PLIN1: variants seen among roughly 807,000 people sequenced by gnomAD.
The protein encoded by PLIN1 is perilipin-1.
A neutral mutation model predicts 45.8 loss-of-function variants in PLIN1; 37 were observed. The ratio of observed to expected loss-of-function variants is 0.81; its 90% CI spans 0.62 to 1.06. The LOEUF is 1.06. PLIN1 is among the 50% of genes least tolerant of loss of function. PLIN1 has a pLI of 0.00. For synonymous variants in PLIN1, 340 were observed against 309.2 expected (o/e 1.10, Z -1.05); for missense variants, 776 against 716.5 (o/e 1.08, Z -0.95).
At chr15:89,667,294 C>G in intron 7 of PLIN1, 113 bp from the exon 8 acceptor site, 1 of 1,417,488 alleles carries the variant, frequency 7.1e-7, no homozygotes, top group Non-Finnish European at 9.7e-7. Context: ...TACAAAACTT[C>G]AGGCCTATTC....
In PLIN1 at chr15:89,677,519, C is replaced by G. The variant is rs369587741; in HGVS notation, c.-14-16G>C. The G allele has an allele frequency of 6.2e-6, 10 of 1,611,928 alleles. No individual in the cohort carries two copies. The highest frequency in any genetic ancestry group is 8.5e-6 in the Non-Finnish European group (10 of 1,178,178). On this transcript the variant is annotated splice_polypyrimidine_tract_variant and intron_variant, in intron 1 of 8. Coordinates refer to ENST00000300055, the MANE Select transcript of PLIN1 (RefSeq NM_002666.5). ...GCTCCTCAAGCTGCAAAACAGAGTC[C>G]CAGGTCCCATCAGAAGCCCTCAGGC...
Position 89,666,942 on chromosome 15 carries a change from G to A in PLIN1, c.1203C>T (p.Tyr401=), listed in dbSNP as rs151265993. The A allele has an allele frequency of 5.0e-5, 80 of 1,613,888 alleles. No homozygotes were observed. The highest frequency in any genetic ancestry group is 3.3e-4 in the Middle Eastern group (2 of 6,078). Reference sequence around the variant, plus strand: ...TGCCAGGGGTGGTACTCACCGGCACGTAATGCACCACTGTGTCCACCACGT... The same window carrying A: ...TGCCAGGGGTGGTACTCACCGGCACATAATGCACCACTGTGTCCACCACGT... ...TDNVVDTVVH[Y]VPLPRLSLME... The change falls in exon 8 of 9, where the codon TAC becomes TAT. Residue 401 remains tyrosine (Y), a synonymous_variant. Transcript: ENST00000300055.
chr15:89,666,073 G>T, intron 8 of PLIN1, 131 bp from the exon 9 acceptor site: 1 of 609,068 alleles, frequency 1.6e-6, no homozygotes, highest in Non-Finnish European at 2.5e-6. Flanking sequence ...GCTGGGGAGC[G>T]GTTCAGTAGT....
rs1186066623 is a variant in PLIN1 at position 89,673,269 on chromosome 15, C to A, written c.191G>T (p.Ser64Ile). 6.3e-7 allele frequency: 1 copy of A among 1,581,092 alleles called. No homozygotes were observed. The highest frequency in any genetic ancestry group is 1.8e-5 in the Admixed American group (1 of 56,392). Reference protein sequence around the residue: ...VCNAYEKGVQSASSLAAWSME... With the variant: ...VCNAYEKGVQIASSLAAWSME... ...GCTCCAGGCAGCCAAGCTACTGGCG[C>A]TCTGCACGCCCTTCTCATAGGCATT... The change falls in exon 3 of 9, where the codon AGC (serine) becomes ATC (isoleucine). Residue 64 changes from serine (S) to isoleucine (I), a missense_variant. Ser to Ile is a moderately radical substitution (Grantham distance 142, BLOSUM62 -2). Coordinates refer to ENST00000300055, the MANE Select transcript of PLIN1 (RefSeq NM_002666.5).
Position 89,665,829 on chromosome 15 carries a change from G to C in PLIN1, c.1323C>G (p.Ala441=), listed in dbSNP as rs767087068. 11 of 1,417,974 alleles carry C rather than the reference G, an allele frequency of 7.8e-6. No homozygotes were observed. The highest frequency in any genetic ancestry group is 9.2e-6 in the Non-Finnish European group (10 of 1,084,172). The allele number at this position is 1,417,974 out of a possible 1,614,324, so 87.8% of individuals were successfully genotyped here. A position where few individuals can be genotyped will look rare whatever the true frequency, so the allele number is the denominator to read the frequency against. Residue 441 remains alanine, a synonymous_variant, in exon 9 of 9, where the codon GCC becomes GCG. Transcript: ENST00000300055. ...AERRASGAPS[A]GPEPAPRLAQ... is the part of the protein sequence containing the mutation. ...CGAGACGCGGGGCGGGCTCCGGGCC[G>C]GCGGACGGCGCCCCAGACGCTCTGC... is the stretch of plus-strand genomic sequence containing the variant.
In PLIN1 at chr15:89,665,949, G is replaced by A. The variant is rs2141524004; in HGVS notation, c.1210-7C>T. 1.3e-6 allele frequency: 2 copies of A among 1,490,570 alleles called. No homozygotes were observed. Among genetic ancestry groups the A allele is most frequent in the African/African-American group, 1.4e-5 (1 of 70,138 alleles). 92.3% of individuals were successfully genotyped at this position (1,490,570 alleles called of 1,614,324 possible). On this transcript the variant is annotated splice_region_variant and splice_polypyrimidine_tract_variant and intron_variant, in intron 8 of 8. Coordinates refer to ENST00000300055, the MANE Select transcript of PLIN1 (RefSeq NM_002666.5). Reference sequence around the variant, plus strand: ...TCAGCGACAGCCTGGGGAGCTGAGGGCCCGGCAGCCGCCTTAGAGTCCTGG... The same window carrying A: ...TCAGCGACAGCCTGGGGAGCTGAGGACCCGGCAGCCGCCTTAGAGTCCTGG...
At chr15:89,667,506 TG>T in intron 7 of PLIN1, 95 bp downstream of exon 7, 1 of 1,571,912 alleles carries the variant, frequency 6.4e-7, no homozygotes, top group Non-Finnish European at 8.8e-7. Context: ...GCCGTGCCCC[TG>T]CATCTGGGGC....
At chr15:89,678,013 C>T (rs948647283) in intron 1 of PLIN1, 3 of 154,896 alleles carry the variant, frequency 1.9e-5, no homozygotes, top group Non-Finnish European at 4.3e-5. Flanking sequence ...CCTGCCTAGA[C>T]CTCCCAAAGT....
At chr15:89,667,361 T>C (rs1964365060) in intron 7 of PLIN1, among the ~76,000 whole-genome samples, 180 bp from the exon 8 acceptor site, 1 of 152,250 alleles carries the variant, frequency 6.6e-6, no homozygotes, top group African/African-American at 2.4e-5. Context: ...CCTCTGTTTC[T>C]TCTCCTGCAA....
chr15:89,669,581 A>T lies in PLIN1; in HGVS notation c.690T>A (p.Ser230=). 1.2e-6 allele frequency: 2 copies of T among 1,613,966 alleles called. No individual in the cohort carries two copies. The highest frequency in any genetic ancestry group is 1.7e-5 in the Admixed American group (1 of 60,020). Residue 230 remains serine, a synonymous_variant, in exon 6 of 9, where the codon TCT becomes TCA. Transcript: ENST00000300055. ...SRVGALTNTL[S]RYTVQTMARA... ...GGGCCATGGTCTGCACGGTGTATCG[A>T]GAGAGGGTGTTGGTCAGAGCCCCAA... is the stretch of plus-strand genomic sequence containing the variant.
intron 6 of PLIN1, 23 bp downstream of exon 6, chr15:89,669,477 C>A: frequency 6.2e-7 from 1 of 1,604,850 alleles, no homozygotes. Context: ...CCGGGTCAGT[C>A]AGAGCTCACG....
chr15:89,669,737 C>A, intron 5 of PLIN1, 65 bp from the exon 6 acceptor site: 2 of 1,455,680 alleles, frequency 1.4e-6, no homozygotes, highest in South Asian at 2.3e-5. Context: ...AGATCTGGGT[C>A]ATGTCTAGGA....
At chr15:89,675,959 T>C (rs1366323266) in intron 2 of PLIN1, among the ~76,000 whole-genome samples, 2 of 152,098 alleles carry the variant, frequency 1.3e-5, no homozygotes, top group African/African-American at 2.4e-5. Flanking sequence ...GAATTCATGG[T>C]CTTCGGGGCT....
Position 89,664,876 on chromosome 15 carries a change from C to G in PLIN1, c.*707G>C. On this transcript the variant is annotated 3_prime_UTR_variant, in exon 9 of 9. Transcript: ENST00000300055. ...CATCACCATTTTGGTTCCCCAGCATCAAAAGAGTGACTATGCAGGTGAAGG... is the reference window on the plus strand; with the variant it reads ...CATCACCATTTTGGTTCCCCAGCATGAAAAGAGTGACTATGCAGGTGAAGG... The G allele has an allele frequency of 2.2e-6, 1 of 455,988 alleles. No individual in the cohort carries two copies. Among genetic ancestry groups the G allele is most frequent in the Non-Finnish European group, 4.4e-6 (1 of 226,794 alleles). The allele number at this position is 455,988 out of a possible 1,614,324, so 28.2% of individuals were successfully genotyped here.
intron 8 of PLIN1, among the ~76,000 whole-genome samples, chr15:89,666,249 C>G (rs1964338486): frequency 6.6e-6 from 1 of 152,188 alleles, no homozygotes; most frequent in African/African-American, 2.4e-5. Flanking sequence ...TCCTTGCAGC[C>G]CACACAGTGA....
chr15:89,667,215 G>C lies in PLIN1; in HGVS notation c.964-34C>G, dbSNP rs770167085. The C allele has an allele frequency of 3.1e-6, 5 of 1,611,196 alleles. No homozygotes were observed. The South Asian group carries it at 3.3e-5, about 11-fold the overall frequency. ...CAAAGCAGGGTCAGTGCCTCCTGTG[G>C]TAACTCCCCTGACCCTTCCCTCCCC... On this transcript the variant is annotated intron_variant, in intron 7 of 8. Coordinates refer to ENST00000300055, the MANE Select transcript of PLIN1 (RefSeq NM_002666.5).
At chr15:89,675,378 G>A (rs1269031529) in intron 2 of PLIN1, among the ~76,000 whole-genome samples, 2 of 150,116 alleles carry the variant, frequency 1.3e-5, no homozygotes, top group African/African-American at 4.9e-5. Flanking sequence ...AGGCTGAGGC[G>A]GGAGGATCAT....
chr15:89,665,459 C>G lies in PLIN1; in HGVS notation c.*124G>C, dbSNP rs1834333031. The G allele has an allele frequency of 1.4e-6, 1 of 706,232 alleles. No homozygotes were observed. Among genetic ancestry groups the G allele is most frequent in the African/African-American group, 1.9e-5 (1 of 53,558 alleles). The allele number at this position is 706,232 out of a possible 1,614,324, so 43.7% of individuals were successfully genotyped here. The stretch of plus-strand genomic sequence containing the variant: ...AAAAAGTGCGCCTTGGCAGCATCAT[C>G]AGGATGAGGCTGAGCTCCCCAGGGG... On this transcript the variant is annotated 3_prime_UTR_variant, in exon 9 of 9. Transcript: ENST00000300055.
rs141040593 is a variant in PLIN1, at chr15:89,667,170, C to G, written c.975G>C (p.Leu325=). The G allele has an allele frequency of 8.0e-5, 129 of 1,613,216 alleles. No homozygotes were observed. Among genetic ancestry groups the G allele is most frequent in the Non-Finnish European group, 1.1e-4 (127 of 1,179,994 alleles). ...CACCCAGGAGGCCTCGAGGGCCTGG[C>G]AGGGCTGCTACCTGGGGGCCAAAGC... ...EENKFSEVAA[L]PGPRGLLGGV... The change falls in exon 8 of 9, where the codon CTG becomes CTC. Residue 325 remains leucine (L), a synonymous_variant. Coordinates refer to ENST00000300055, the MANE Select transcript of PLIN1 (RefSeq NM_002666.5).
Sources: allele counts gnomAD v4.1 joint callset (sites outside exome capture counted in the v4.1 genomes callset), GRCh38; gene constraint gnomAD v4.1.1; transcripts MANE v1.5; gene names NCBI Gene and HGNC (gene_info 2026-07-23, HGNC 2026-07-21).